CLPTM1L: variants seen among roughly 807,000 people sequenced by gnomAD.
CLPTM1L encodes the protein CLPTM1 like.
CLPTM1L carries 38 observed loss-of-function variants against 70.9 expected under a neutral mutation model. That is an observed-to-expected ratio of 0.54 (90% CI 0.41 to 0.70). The LOEUF (loss-of-function observed/expected upper bound fraction) is 0.70, where lower values mean the gene tolerates loss of function less well. Among genes scored for constraint, CLPTM1L ranks in the 30% least tolerant of loss-of-function variants. The pLI is 0.00. For synonymous variants in CLPTM1L, 339 were observed against 299.9 expected (o/e 1.13, Z -1.35); for missense variants, 652 against 705.9 (o/e 0.92, Z 0.87).
intron 5 of CLPTM1L, among the ~76,000 whole-genome samples, chr5:1,336,852 G>A (rs911745242): frequency 2.6e-5 from 4 of 152,158 alleles, no homozygotes; most frequent in African/African-American, 4.8e-5. Flanking sequence ...GCAGTACAGG[G>A]GGACTGTTCT....
intron 13 of CLPTM1L, 85 bp from the exon 14 acceptor site, chr5:1,321,904 G>C: frequency 7.8e-7 from 1 of 1,279,150 alleles, no homozygotes; most frequent in Non-Finnish European, 1.1e-6. Context: ...AGGTGTGGAG[G>C]GCCGAGCTGC....
intron 8 of CLPTM1L, chr5:1,330,728 G>A (rs1474528619): frequency 4.3e-5 from 11 of 254,200 alleles, no homozygotes; most frequent in African/African-American, 1.1e-4. Flanking sequence ...TGATAAGTGC[G>A]TGGCTTTTCA....
intron 5 of CLPTM1L, among the ~76,000 whole-genome samples, chr5:1,336,097 C>T (rs908591944): frequency 2.0e-5 from 3 of 152,232 alleles, no homozygotes; most frequent in Admixed American, 6.5e-5. Context: ...GCTGTCAGGG[C>T]GCCCCACGTA....
At chr5:1,330,149 G>A in intron 9 of CLPTM1L, 131 bp downstream of exon 9, 1 of 746,680 alleles carries the variant, frequency 1.3e-6, no homozygotes, top group Non-Finnish European at 2.3e-6. Context: ...ACAGCTTCCA[G>A]AACACTGAGG....
intron 11 of CLPTM1L, chr5:1,324,094 C>T (rs1024092741): frequency 3.6e-6 from 2 of 559,580 alleles, no homozygotes; most frequent in East Asian, 2.8e-5. Context: ...TAACTACAGG[C>T]GCTAGTTAAC....
chr5:1,332,500 G>A (rs1753159766), intron 7 of CLPTM1L, among the ~76,000 whole-genome samples: 1 of 150,990 alleles, frequency 6.6e-6, no homozygotes, highest in African/African-American at 2.5e-5. Flanking sequence ...CAAACTCCCA[G>A]GCACTCAGAA....
At chr5:1,333,778 G>A (rs1753353381) in intron 7 of CLPTM1L, among the ~76,000 whole-genome samples, 2 of 130,382 alleles carry the variant, frequency 1.5e-5, no homozygotes, top group African/African-American at 5.5e-5. Flanking sequence ...ATGAGGATAA[G>A]GGGGGACTAC....
chr5:1,329,101 G>A (rs1752895358), intron 9 of CLPTM1L, among the ~76,000 whole-genome samples: 1 of 152,272 alleles, frequency 6.6e-6, no homozygotes, highest in Non-Finnish European at 1.5e-5. Context: ...CTGCCGGTGT[G>A]GCACAGAGCT....
intron 10 of CLPTM1L, 82 bp downstream of exon 10, chr5:1,325,669 T>C (rs1579624700): frequency 8.7e-7 from 1 of 1,144,514 alleles, no homozygotes; most frequent in Non-Finnish European, 1.3e-6. Context: ...CATCTGCAGA[T>C]GGCCATCTTA....
rs1289784021 is a variant in CLPTM1L at position 1,342,204 on chromosome 5, C to A, written c.264-344G>T. 6.6e-6 allele frequency among the ~76,000 whole-genome samples: 1 copy of A among 152,092 alleles called. No individual in the cohort carries two copies. Among genetic ancestry groups the A allele is most frequent in the Non-Finnish European group, 1.5e-5 (1 of 68,014 alleles). On this transcript the variant is annotated intron_variant, in intron 2 of 16. Coordinates refer to ENST00000320895, the MANE Select transcript of CLPTM1L (RefSeq NM_030782.5). This position sits in a 1 kb window ranked among gnomAD's most constrained non-coding sequence, Gnocchi z 4.3. ...AGCCAGATGGAAAGCAGCTTCTGGG[C>A]CTGGCCAGGGTACCAGCTGACCACA...
intron 6 of CLPTM1L, 79 bp from the exon 7 acceptor site, chr5:1,334,462 T>C (rs1420629361): frequency 9.0e-7 from 1 of 1,106,544 alleles, no homozygotes; most frequent in East Asian, 2.5e-5. Context: ...GTTTTCAATA[T>C]AAAAATTTAG....
chr5:1,344,388 T>C lies in CLPTM1L; in HGVS notation c.226A>G (p.Asn76Asp), dbSNP rs764351570. ...GACTCCACATCAAAGTCTTCCACAT[T>C]CAAGACCAGGTCGATGTTGTTCTCA... ...GAENNIDLVL[N>D]VEDFDVESKF... is the part of the protein sequence containing the mutation. Residue 76 changes from asparagine (N) to aspartate (D), a missense_variant, in exon 2 of 17, where the codon AAT becomes GAT. This residue lies in a region of CLPTM1L where 402 missense variants were observed against 388.2 expected (regional missense o/e 1.04). Coordinates refer to ENST00000320895, the MANE Select transcript of CLPTM1L (RefSeq NM_030782.5). The C allele has an allele frequency of 1.2e-6, 2 of 1,613,806 alleles. No homozygotes were observed. The highest frequency in any genetic ancestry group is 2.7e-5 in the African/African-American group (2 of 74,934).
At chr5:1,319,683 G>A (rs1035964988) in intron 16 of CLPTM1L, among the ~76,000 whole-genome samples, 2 of 152,240 alleles carry the variant, frequency 1.3e-5, no homozygotes, top group East Asian at 1.9e-4. Flanking sequence ...TGTCACAGCC[G>A]TGGTGTGTGA....
chr5:1,321,434 C>T (rs905780346), intron 15 of CLPTM1L, among the ~76,000 whole-genome samples: 10 of 152,156 alleles, frequency 6.6e-5, no homozygotes, highest in Admixed American at 3.9e-4. Flanking sequence ...GAGAGAACCA[C>T]CCCAGTCTTT....
chr5:1,341,658 T>G lies in CLPTM1L; in HGVS notation c.453+13A>C, dbSNP rs1753940422. 11 of 1,591,068 alleles carry G rather than the reference T, an allele frequency of 6.9e-6. No homozygotes were observed. The Admixed American group carries it at 1.9e-4, about 27-fold the overall frequency. On this transcript the variant is annotated intron_variant, in intron 3 of 16. Coordinates refer to ENST00000320895, the MANE Select transcript of CLPTM1L (RefSeq NM_030782.5). Reference sequence around the variant, plus strand: ...GGCACAGCCTGTTATCAGTAACCCATGAAGACCCTCACCTGTGTATCAGAC... The same window carrying G: ...GGCACAGCCTGTTATCAGTAACCCAGGAAGACCCTCACCTGTGTATCAGAC...
chr5:1,326,781 T>TCTACAGGGACATTTCATCCAGCTCCTCCC lies in CLPTM1L; in HGVS notation c.1081-994_1081-966dup, dbSNP rs1561234202. Among the ~76,000 whole-genome samples the TCTACAGGGACATTTCATCCAGCTCCTCCC allele has an allele frequency of 9.3e-4, 139 of 149,194 alleles. 3 individuals are homozygous for TCTACAGGGACATTTCATCCAGCTCCTCCC. The highest frequency in any genetic ancestry group is 3.0e-3 in the African/African-American group (122 of 40,062). On this transcript the variant is annotated intron_variant, in intron 9 of 16. Transcript: ENST00000320895. ...CAGGGACAATCCATCCAGCTCCTCC[T>TCTACAGGGACATTTCATCCAGCTCCTCCC]CTACAGGGACATTTCATCCAGCTCC...
rs375792526 is a variant in CLPTM1L at position 1,329,201 on chromosome 5, C to A, written c.1080+1079G>T. Reference sequence around the variant, plus strand: ...TTGCTCCTGAGCTGGTCTTGCCCCACGAGGCTCCCTTTTGGCCGGCTTTTC... The same window carrying A: ...TTGCTCCTGAGCTGGTCTTGCCCCAAGAGGCTCCCTTTTGGCCGGCTTTTC... On this transcript the variant is annotated intron_variant, in intron 9 of 16. Transcript: ENST00000320895. Among the ~76,000 whole-genome samples the A allele has an allele frequency of 2.0e-5, 3 of 152,250 alleles. No homozygotes were observed. In the East Asian group the frequency reaches 5.8e-4, roughly 29 times the overall value.
chr5:1,321,883 C>T lies in CLPTM1L; in HGVS notation c.1316-64G>A, dbSNP rs373197494. On this transcript the variant is annotated intron_variant, in intron 13 of 16. Coordinates refer to ENST00000320895, the MANE Select transcript of CLPTM1L (RefSeq NM_030782.5). ...CCGGGCTGCCACATCTACGCACAGA[C>T]GGCACTCACGAGGTGTGGAGGGCCG... 5.1e-4 allele frequency: 762 copies of T among 1,489,936 alleles called. 5 individuals are homozygous for T. The highest frequency in any genetic ancestry group is 2.0e-3 in the African/African-American group (141 of 72,212). 92.3% of individuals were successfully genotyped at this position (1,489,936 alleles called of 1,614,324 possible). A position where few individuals can be genotyped will look rare whatever the true frequency, so the allele number is the denominator to read the frequency against.
chr5:1,338,121 AG>A, intron 4 of CLPTM1L, 139 bp from the exon 5 acceptor site: 1 of 698,576 alleles, frequency 1.4e-6, no homozygotes, highest in Admixed American at 2.2e-5. Flanking sequence ...CAATGACCCC[AG>A]GGCACAGCCT....
Sources: gnomAD v4.1 joint callset for allele counts (sites outside exome capture counted in the v4.1 genomes callset) on GRCh38, gnomAD v4.1.1 for gene constraint, gnomAD v4.1.1 regional missense constraint, Gnocchi (gnomAD v3.1) non-coding constraint, MANE v1.5 for transcripts, NCBI Gene and HGNC (gene_info 2026-07-23, HGNC 2026-07-21) for gene names.